The following CMIP variants were observed in gnomAD, a reference collection of about 807,000 sequenced individuals.
The protein encoded by CMIP is C-Maf-inducing protein.
CMIP carries 13 observed loss-of-function variants against 97.3 expected under a neutral mutation model. That is an observed-to-expected ratio of 0.13 (90% CI 0.09 to 0.21). The LOEUF (loss-of-function observed/expected upper bound fraction) is 0.21, where lower values mean the gene tolerates loss of function less well. CMIP is among the 10% of genes least tolerant of loss of function. The pLI is 1.00. For missense variants in CMIP, 847 were observed against 1,024.9 expected, an observed-to-expected ratio of 0.83 and a Z score of 2.37; for synonymous variants, 538 against 436.3, an observed-to-expected ratio of 1.23 and a Z score of -2.91.
chr16:81,517,383 A>C (rs1056835053), intron 1 of CMIP, among the ~76,000 whole-genome samples: 1 of 152,264 alleles, frequency 6.6e-6, no homozygotes, highest in African/African-American at 2.4e-5. Flanking sequence ...GAATGAAGTG[A>C]ATCTAAAATG....
intron 1 of CMIP, among the ~76,000 whole-genome samples, chr16:81,571,028 T>C (rs948013502): frequency 6.6e-6 from 1 of 152,228 alleles, no homozygotes; most frequent in African/African-American, 2.4e-5. Context: ...GTTTTAATAT[T>C]ATTTCATTAG....
chr16:81,507,395 A>AG (rs2089729123), intron 1 of CMIP, among the ~76,000 whole-genome samples: 1 of 152,218 alleles, frequency 6.6e-6, no homozygotes. Flanking sequence ...CAGGAGTTTG[A>AG]GAAACCATAG....
chr16:81,647,217 C>T (rs528541371), intron 3 of CMIP, among the ~76,000 whole-genome samples: 118 of 152,318 alleles, frequency 7.7e-4, no homozygotes, highest in African/African-American at 2.8e-3. Flanking sequence ...TGACGTTGAG[C>T]ATCTTCTTTG....
intron 1 of CMIP, among the ~76,000 whole-genome samples, chr16:81,560,197 GTTTTGTTTTGT>G (rs1309244322): frequency 4.8e-5 from 6 of 124,220 alleles, no homozygotes; most frequent in Admixed American, 8.0e-5. Context: ...TTTTGGTTTT[GTTTTGTTTTGT>G]TTTTGTTTTG....
intron 1 of CMIP, among the ~76,000 whole-genome samples, chr16:81,597,298 T>C (rs1054940648): frequency 6.6e-6 from 1 of 152,198 alleles, no homozygotes; most frequent in African/African-American, 2.4e-5. Context: ...TTTCATCTTT[T>C]CCATTTGAGC....
At chr16:81,574,768 T>C (rs2091159953) in intron 1 of CMIP, among the ~76,000 whole-genome samples, 1 of 152,110 alleles carries the variant, frequency 6.6e-6, no homozygotes. Context: ...CTCGGGAGGC[T>C]CACAGGCCAG....
chr16:81,693,611 T>C, intron 13 of CMIP, 124 bp downstream of exon 13: 1 of 1,043,008 alleles, frequency 9.6e-7, no homozygotes, highest in Non-Finnish European at 1.4e-6. Flanking sequence ...AGAGACCCAT[T>C]GCCTGTGTAT....
intron 1 of CMIP, among the ~76,000 whole-genome samples, chr16:81,522,739 C>T (rs1365586754): frequency 6.6e-6 from 1 of 152,004 alleles, no homozygotes; most frequent in African/African-American, 2.4e-5. Flanking sequence ...CTTTGCTTTG[C>T]CTTTTTTTTA....
intron 3 of CMIP, among the ~76,000 whole-genome samples, chr16:81,624,753 A>T (rs1215644042): frequency 6.6e-6 from 1 of 152,204 alleles, no homozygotes; most frequent in Non-Finnish European, 1.5e-5. Context: ...AGGGTTCCTT[A>T]TGGGGACAGT....
chr16:81,529,361 C>T (rs963833236), intron 1 of CMIP, among the ~76,000 whole-genome samples: 22 of 152,106 alleles, frequency 1.4e-4, no homozygotes, highest in African/African-American at 5.3e-4. Flanking sequence ...AGCCCCGAGT[C>T]ACCGAGTGTG....
intron 3 of CMIP, among the ~76,000 whole-genome samples, chr16:81,633,867 C>G (rs972179360): frequency 6.6e-6 from 1 of 152,204 alleles, no homozygotes; most frequent in Non-Finnish European, 1.5e-5. Flanking sequence ...CAGCCTGACA[C>G]CGGCTGGAGG....
Position 81,652,361 on chromosome 16 carries a change from A to T in CMIP, c.636A>T (p.Ser212=), listed in dbSNP as rs979698393. The part of the protein sequence containing the change: ...APLEIVSKLL[S]ENTNLTTQEH... ...TGGAAATCGTCTCGAAACTGCTCTC[A>T]GAGGTAAAACCCCTCCCCTGGACCC... The change falls in exon 4 of 21, where the codon TCA becomes TCT. Residue 212 remains serine, a synonymous_variant. Coordinates refer to ENST00000537098, the MANE Select transcript of CMIP (RefSeq NM_198390.3). The surrounding 1 kb of genome is among the most constrained non-coding windows in gnomAD (Gnocchi z 5.2). The T allele has an allele frequency of 6.2e-7, 1 of 1,612,802 alleles. No individual in the cohort carries two copies. Among genetic ancestry groups the T allele is most frequent in the African/African-American group, 1.3e-5 (1 of 74,876 alleles).
intron 6 of CMIP, among the ~76,000 whole-genome samples, chr16:81,662,018 T>G (rs1420564244): frequency 5.9e-5 from 9 of 152,050 alleles, no homozygotes; most frequent in Admixed American, 5.9e-4. Context: ...TGTATACAGG[T>G]GTGGATACAC....
chr16:81,654,982 G>A (rs2092467202), intron 4 of CMIP, among the ~76,000 whole-genome samples: 1 of 152,210 alleles, frequency 6.6e-6, no homozygotes, highest in African/African-American at 2.4e-5. Flanking sequence ...GTGCCCAGTT[G>A]TTTTCTGTAA....
intron 1 of CMIP, among the ~76,000 whole-genome samples, chr16:81,564,158 A>G (rs1016080249): frequency 2.0e-5 from 3 of 152,240 alleles, no homozygotes; most frequent in African/African-American, 7.2e-5. Flanking sequence ...TAGTTGGTCA[A>G]ATACACCTGC....
chr16:81,575,276 G>A (rs1025762517), intron 1 of CMIP, among the ~76,000 whole-genome samples: 4 of 152,158 alleles, frequency 2.6e-5, no homozygotes, highest in Non-Finnish European at 5.9e-5. Context: ...ATGGGGATGC[G>A]TCGGGCCTCC....
rs139769808 is a variant in CMIP at position 81,546,042 on chromosome 16, G to T, written c.301-61525G>T. ...CAAATGGCGCTCGCTGTGAATAGCA[G>T]TGTTGGAGAACATCACAGCCAGCAG... On this transcript the variant is annotated intron_variant, in intron 1 of 20. Coordinates refer to ENST00000537098, the MANE Select transcript of CMIP (RefSeq NM_198390.3). 2.2e-3 allele frequency among the ~76,000 whole-genome samples: 341 copies of T among 152,312 alleles called. 2 individuals are homozygous for T. Among genetic ancestry groups the T allele is most frequent in the Admixed American group, 6.0e-3 (92 of 15,306 alleles).
At chr16:81,587,934 CA>C (rs1389388940) in intron 1 of CMIP, among the ~76,000 whole-genome samples, 3 of 152,178 alleles carry the variant, frequency 2.0e-5, no homozygotes, top group Admixed American at 6.5e-5. Flanking sequence ...GGAAACCCTC[CA>C]TGGAAGCCTG....
At chr16:81,604,876 CG>C (rs2091716785) in intron 1 of CMIP, among the ~76,000 whole-genome samples, 1 of 152,098 alleles carries the variant, frequency 6.6e-6, no homozygotes, top group Non-Finnish European at 1.5e-5. Context: ...AGTTAAAACA[CG>C]GATGAAAGTT....
Sources: gnomAD v4.1 joint callset for allele counts (sites outside exome capture counted in the v4.1 genomes callset) on GRCh38, gnomAD v4.1.1 for gene constraint, Gnocchi (gnomAD v3.1) non-coding constraint, MANE v1.5 for transcripts, NCBI Gene and HGNC (gene_info 2026-07-23, HGNC 2026-07-21) for gene names.